The following ATF7 variants were observed in gnomAD, a reference collection of about 807,000 sequenced individuals.
The protein encoded by ATF7 is activating transcription factor 7, also known as cyclic AMP-dependent transcription factor ATF-7.
Under a neutral mutation model 50.4 loss-of-function variants are expected in ATF7, and 10 were observed. The ratio of observed to expected loss-of-function variants is 0.20; its 90% CI spans 0.12 to 0.34. The LOEUF (loss-of-function observed/expected upper bound fraction) is 0.34, where lower values mean the gene tolerates loss of function less well. Among genes scored for constraint, ATF7 ranks in the 10% least tolerant of loss-of-function variants. The probability of loss-of-function intolerance (pLI) is 1.00; values close to 1 mark genes in which losing one functional copy is unlikely to be tolerated. For missense variants in ATF7, 465 were observed against 613.9 expected (o/e 0.76, Z 2.56); for synonymous variants, 201 against 226.4 (o/e 0.89, Z 1.01).
intron 2 of ATF7, among the ~76,000 whole-genome samples, chr12:53,588,205 A>G (rs1942804704): frequency 6.6e-6 from 1 of 152,186 alleles, no homozygotes; most frequent in Non-Finnish European, 1.5e-5. Flanking sequence ...CCATGAATCT[A>G]CATAGCCATA....
downstream of ATF7, among the ~76,000 whole-genome samples, chr12:53,510,527 T>TTCACTGCA (rs1439129720): frequency 0.016 from 2,361 of 152,320 alleles, 52 homozygotes; most frequent in African/African-American, 0.055. Context: ...GTTGTAATCC[T>TTCACTGCA]AGCTCTTGCA....
chr12:53,610,993 ATT>A (rs1330521624), intron 1 of ATF7, among the ~76,000 whole-genome samples: 1 of 144,334 alleles, frequency 6.9e-6, no homozygotes, highest in Non-Finnish European at 1.5e-5. Context: ...TGCCCAGCTC[ATT>A]TTTTTTTTTT....
At chr12:53,592,574 G>C (rs1942990916) in intron 2 of ATF7, among the ~76,000 whole-genome samples, 1 of 152,088 alleles carries the variant, frequency 6.6e-6, no homozygotes, top group South Asian at 2.1e-4. Flanking sequence ...TGGTTAAATA[G>C]ATTCAACCCC....
At position 53,542,585 on chromosome 12, in the gene ATF7, C is replaced by T. The variant is rs567529350; in HGVS notation, c.264+745G>A. Among the ~76,000 whole-genome samples the T allele has an allele frequency of 8.5e-5, 13 of 152,280 alleles. No homozygotes were observed. The East Asian group carries it at 2.5e-3, about 30-fold the overall frequency. ...AGGACTACAGGCATGCACCACCATG[C>T]CTGATCAATCTTTAAAACTGTTTTT... On this transcript the variant is annotated intron_variant, in intron 4 of 11. Coordinates refer to ENST00000420353, the MANE Select transcript of ATF7 (RefSeq NM_006856.3).
chr12:53,579,203 C>T (rs777179521), intron 2 of ATF7, among the ~76,000 whole-genome samples: 1 of 151,926 alleles, frequency 6.6e-6, no homozygotes, highest in Non-Finnish European at 1.5e-5. Context: ...GAGATGGTGC[C>T]GCTGCACTCC....
At chr12:53,578,657 A>G (rs1332964483) in intron 2 of ATF7, among the ~76,000 whole-genome samples, 2 of 151,760 alleles carry the variant, frequency 1.3e-5, no homozygotes, top group African/African-American at 4.8e-5. Context: ...GGTGGTGCTT[A>G]TCTGCTGTTC....
At chr12:53,571,767 A>G (rs1315004724) in intron 2 of ATF7, among the ~76,000 whole-genome samples, 1 of 152,036 alleles carries the variant, frequency 6.6e-6, no homozygotes, top group Non-Finnish European at 1.5e-5. Flanking sequence ...AATTTCTATT[A>G]TATAAAAAAT....
chr12:53,579,792 A>C (rs541498688), intron 2 of ATF7, among the ~76,000 whole-genome samples: 2 of 152,276 alleles, frequency 1.3e-5, no homozygotes, highest in Admixed American at 1.3e-4. Context: ...GCCTGCCAGC[A>C]TGTATGTTTT....
chr12:53,569,429 G>C (rs1488068902), intron 2 of ATF7, among the ~76,000 whole-genome samples: 3 of 152,178 alleles, frequency 2.0e-5, no homozygotes, highest in African/African-American at 7.2e-5. Context: ...TACTTTCTCT[G>C]GGAAACTTCT....
At chr12:53,544,668 A>C (rs979733112) in intron 3 of ATF7, among the ~76,000 whole-genome samples, 6 of 152,076 alleles carry the variant, frequency 3.9e-5, no homozygotes, top group Admixed American at 3.9e-4. Flanking sequence ...GAATCTCTTG[A>C]ACCCAGGAGG....
rs1368683965 is a variant in ATF7 at position 53,524,818 on chromosome 12, C to CT, written c.928-58_928-57insA. 1 of 1,418,460 alleles carries CT rather than the reference C, an allele frequency of 7.0e-7. No homozygotes were observed. Among genetic ancestry groups the CT allele is most frequent in the African/African-American group, 1.4e-5 (1 of 69,708 alleles). 87.9% of individuals were successfully genotyped at this position (1,418,460 alleles called of 1,614,324 possible). On this transcript the variant is annotated intron_variant, in intron 9 of 11. Coordinates refer to ENST00000420353, the MANE Select transcript of ATF7 (RefSeq NM_006856.3). This position sits in a 1 kb window ranked among gnomAD's most constrained non-coding sequence, Gnocchi z 4.6. Reference sequence around the variant, plus strand: ...ATGGGAACATTAATCCTTTCCAAATCACACCTGATGTTAGGTAGAGTAGTA... The same window carrying CT: ...ATGGGAACATTAATCCTTTCCAAATCTACACCTGATGTTAGGTAGAGTAGTA...
rs541624941 is a variant in ATF7, at chr12:53,578,541, G to A, written c.48+22412C>T. Among the ~76,000 whole-genome samples, 5 of 152,064 alleles carry A rather than the reference G, an allele frequency of 3.3e-5. No homozygotes were observed. In the South Asian group the frequency reaches 1.0e-3, roughly 32 times the overall value. ...TCATGCCTGTAATCCCAACACTCTG[G>A]GAGGCTGAGGCGGGAGGACTGCTTT... On this transcript the variant is annotated intron_variant, in intron 2 of 11. Coordinates refer to ENST00000420353, the MANE Select transcript of ATF7 (RefSeq NM_006856.3).
chr12:53,537,949 T>A (rs1028798097), intron 4 of ATF7, among the ~76,000 whole-genome samples: 1 of 151,994 alleles, frequency 6.6e-6, no homozygotes, highest in East Asian at 1.9e-4. Context: ...CGACCTCAGG[T>A]GATTCACCTG....
At chr12:53,551,130 C>T (rs1463588280) in intron 3 of ATF7, among the ~76,000 whole-genome samples, 1 of 152,156 alleles carries the variant, frequency 6.6e-6, no homozygotes, top group Non-Finnish European at 1.5e-5. Context: ...TATGTATACC[C>T]TATCCACTAT....
At chr12:53,577,492 GGATCA>G (rs1259293690) in intron 2 of ATF7, among the ~76,000 whole-genome samples, 1 of 151,956 alleles carries the variant, frequency 6.6e-6, no homozygotes, top group Non-Finnish European at 1.5e-5. Flanking sequence ...CGAGGCGGGT[GGATCA>G]CGAGGTCAGG....
intron 2 of ATF7, among the ~76,000 whole-genome samples, chr12:53,592,984 C>A (rs79692393): frequency 6.6e-6 from 1 of 152,098 alleles, no homozygotes; most frequent in African/African-American, 2.4e-5. Flanking sequence ...AACCAAATGT[C>A]GACTAGCACT....
rs548734699 is a variant in ATF7 at position 53,616,664 on chromosome 12, C to T, written c.-22+9615G>A. ...GCCAAAAGATGAGAAAAGGCGTGGCCGGGTGCGGTGGCTCATTCCTGTAAT... is the reference window on the plus strand; with the variant it reads ...GCCAAAAGATGAGAAAAGGCGTGGCTGGGTGCGGTGGCTCATTCCTGTAAT... On this transcript the variant is annotated intron_variant, in intron 1 of 11. Coordinates refer to ENST00000420353, the MANE Select transcript of ATF7 (RefSeq NM_006856.3). Among the ~76,000 whole-genome samples, 6 of 151,712 alleles carry T rather than the reference C, an allele frequency of 4.0e-5. No individual in the cohort carries two copies. The East Asian group carries it at 9.8e-4, about 25-fold the overall frequency.
At chr12:53,606,541 C>A (rs568018340) in intron 1 of ATF7, among the ~76,000 whole-genome samples, 1 of 152,120 alleles carries the variant, frequency 6.6e-6, no homozygotes, top group Non-Finnish European at 1.5e-5. Context: ...AGCCACTGTG[C>A]CTGGCCTGGC....
At chr12:53,605,642 C>T (rs562704871) in intron 1 of ATF7, among the ~76,000 whole-genome samples, 20 of 152,106 alleles carry the variant, frequency 1.3e-4, no homozygotes, top group African/African-American at 4.8e-4. Context: ...AGCAAGTAAG[C>T]TAAATAATTT....
Sources: allele counts gnomAD v4.1 joint callset (sites outside exome capture counted in the v4.1 genomes callset), GRCh38; gene constraint gnomAD v4.1.1; non-coding constraint Gnocchi (gnomAD v3.1); transcripts MANE v1.5; gene names NCBI Gene and HGNC (gene_info 2026-07-23, HGNC 2026-07-21).